CCSER1: variants seen among roughly 807,000 people sequenced by gnomAD.
The protein encoded by CCSER1 is serine-rich coiled-coil domain-containing protein 1.
CCSER1 carries 41 observed loss-of-function variants against 82.0 expected under a neutral mutation model. That is an observed-to-expected ratio of 0.50 (90% CI 0.39 to 0.65). CCSER1 has a LOEUF of 0.65. Among genes scored for constraint, CCSER1 ranks in the 30% least tolerant of loss-of-function variants. The probability of loss-of-function intolerance (pLI) is 0.00; values close to 1 mark genes in which losing one functional copy is unlikely to be tolerated. For missense variants in CCSER1, 1,119 were observed against 1,064.2 expected, an observed-to-expected ratio of 1.05 and a Z score of -0.72; for synonymous variants, 414 against 383.9, an observed-to-expected ratio of 1.08 and a Z score of -0.92.
Position 90,869,498 on chromosome 4 carries a change from A to G in CCSER1, c.2094+53653A>G, listed in dbSNP as rs1292804255. ...TATGTTCTTGTCACCTCTGTTGAAA[A>G]TGAATTTACTGTAGATGTATGAATT... is the stretch of plus-strand genomic sequence containing the variant. On this transcript the variant is annotated intron_variant, in intron 8 of 10. Coordinates refer to ENST00000509176, the MANE Select transcript of CCSER1 (RefSeq NM_001145065.2). Among the ~76,000 whole-genome samples, 4 of 152,070 alleles carry G rather than the reference A, an allele frequency of 2.6e-5. No individual in the cohort carries two copies. In the East Asian group the frequency reaches 7.7e-4, roughly 29 times the overall value.
At chr4:91,308,979 G>C (rs74370890) in intron 10 of CCSER1, among the ~76,000 whole-genome samples, 1 of 152,008 alleles carries the variant, frequency 6.6e-6, no homozygotes, top group African/African-American at 2.4e-5. Flanking sequence ...TAGGCTACTG[G>C]CCTAAACCCT....
chr4:91,579,792 G>A (rs887790854), intron 10 of CCSER1, among the ~76,000 whole-genome samples: 1 of 151,776 alleles, frequency 6.6e-6, no homozygotes, highest in African/African-American at 2.4e-5. Flanking sequence ...TGAATACCAT[G>A]GTCATGAAAA....
At chr4:90,320,244 C>T (rs2153486665) in intron 3 of CCSER1, among the ~76,000 whole-genome samples, 1 of 152,252 alleles carries the variant, frequency 6.6e-6, no homozygotes, top group Non-Finnish European at 1.5e-5. Flanking sequence ...GGTAAAATTT[C>T]TGGTTAAATA....
At chr4:90,838,967 T>C (rs759010539) in intron 8 of CCSER1, 12 of 1,613,188 alleles carry the variant, frequency 7.4e-6, no homozygotes, top group Non-Finnish European at 1.0e-5. Flanking sequence ...ATTTTTCTCT[T>C]GCGTCTCTGT....
At chr4:91,396,605 T>G (rs1751993983) in intron 10 of CCSER1, among the ~76,000 whole-genome samples, 1 of 152,044 alleles carries the variant, frequency 6.6e-6, no homozygotes, top group Non-Finnish European at 1.5e-5. Flanking sequence ...TGTATTGTAT[T>G]GTCATAATTG....
chr4:91,061,851 A>G (rs1743984928), intron 9 of CCSER1, among the ~76,000 whole-genome samples: 1 of 152,022 alleles, frequency 6.6e-6, no homozygotes, highest in African/African-American at 2.4e-5. Context: ...AGAACATGGT[A>G]TTTGATAATT....
chr4:90,188,567 A>G (rs1735047316), intron 1 of CCSER1, among the ~76,000 whole-genome samples: 1 of 151,940 alleles, frequency 6.6e-6, no homozygotes, highest in Admixed American at 6.6e-5. Flanking sequence ...ACTAAGTTTT[A>G]CATACTAAAT....
At chr4:91,140,926 C>T (rs1348921530) in intron 10 of CCSER1, among the ~76,000 whole-genome samples, 1 of 152,076 alleles carries the variant, frequency 6.6e-6, no homozygotes, top group Non-Finnish European at 1.5e-5. Context: ...GTGAGAAGAG[C>T]ATCCAATAGG....
chr4:91,141,397 C>T (rs1415313985), intron 10 of CCSER1, among the ~76,000 whole-genome samples: 2 of 152,122 alleles, frequency 1.3e-5, no homozygotes, highest in African/African-American at 4.8e-5. Flanking sequence ...GGTGATCTGC[C>T]CGCCTTGGCC....
intron 3 of CCSER1, among the ~76,000 whole-genome samples, chr4:90,380,067 T>C (rs551532575): frequency 5.9e-5 from 9 of 152,134 alleles, no homozygotes; most frequent in Non-Finnish European, 1.2e-4. Flanking sequence ...CCTCATGATA[T>C]AATTACCTCC....
chr4:90,987,006 C>T (rs1312954690), intron 9 of CCSER1, among the ~76,000 whole-genome samples: 3 of 151,514 alleles, frequency 2.0e-5, no homozygotes, highest in Non-Finnish European at 4.4e-5. Context: ...TAAGTGAAGT[C>T]TAGGGAGGGA....
chr4:90,363,620 C>G (rs189471870), intron 3 of CCSER1, among the ~76,000 whole-genome samples: 3 of 151,544 alleles, frequency 2.0e-5, no homozygotes, highest in Admixed American at 2.0e-4. Context: ...AAAAAAAAAT[C>G]TTAAGATTAT....
intron 10 of CCSER1, among the ~76,000 whole-genome samples, chr4:91,472,808 T>TA (rs1757355596): frequency 6.6e-6 from 1 of 152,284 alleles, no homozygotes; most frequent in African/African-American, 2.4e-5. Context: ...GAGACTCTCA[T>TA]AAAAAATCAT....
intron 6 of CCSER1, among the ~76,000 whole-genome samples, chr4:90,666,117 A>T (rs1255268248): frequency 6.6e-6 from 1 of 152,026 alleles, no homozygotes; most frequent in Non-Finnish European, 1.5e-5. Flanking sequence ...TCTGCCTGAC[A>T]TCCCCCCTCT....
chr4:90,233,438 A>G (rs908742290), intron 1 of CCSER1, among the ~76,000 whole-genome samples: 3 of 152,096 alleles, frequency 2.0e-5, no homozygotes, highest in East Asian at 1.9e-4. Flanking sequence ...ACACATGGAC[A>G]CAGGAAGGGG....
intron 5 of CCSER1, among the ~76,000 whole-genome samples, chr4:90,577,623 G>C (rs1780912286): frequency 6.6e-6 from 1 of 151,948 alleles, no homozygotes; most frequent in Middle Eastern, 3.4e-3. Context: ...TTAAATTGTT[G>C]GTAGGATGAA....
chr4:90,880,212 C>G (rs755989252), intron 8 of CCSER1, among the ~76,000 whole-genome samples: 7 of 152,174 alleles, frequency 4.6e-5, no homozygotes, highest in Non-Finnish European at 8.8e-5. Flanking sequence ...CACTGTATCT[C>G]TCCGGTGATC....
intron 10 of CCSER1, among the ~76,000 whole-genome samples, chr4:91,586,658 A>T (rs1764010593): frequency 6.6e-6 from 1 of 151,786 alleles, no homozygotes; most frequent in South Asian, 2.1e-4. Context: ...TGGGATGATG[A>T]ACAAGGTAGG....
At chr4:91,210,935 C>T (rs143772602) in intron 10 of CCSER1, among the ~76,000 whole-genome samples, 409 of 151,896 alleles carry the variant, frequency 2.7e-3, no homozygotes, top group African/African-American at 9.5e-3. Context: ...CGGGTGTGAT[C>T]GGGCATCAGG....
Sources: gnomAD v4.1 joint callset for allele counts (sites outside exome capture counted in the v4.1 genomes callset) on GRCh38, gnomAD v4.1.1 for gene constraint, MANE v1.5 for transcripts, NCBI Gene and HGNC (gene_info 2026-07-23, HGNC 2026-07-21) for gene names.